The following LARP1B variants were observed in gnomAD, a reference collection of about 807,000 sequenced individuals.
LARP1B encodes the protein la-related protein 1B.
Under a neutral mutation model 114.2 loss-of-function variants are expected in LARP1B, and 76 were observed. The ratio of observed to expected loss-of-function variants is 0.67; its 90% CI spans 0.55 to 0.81. The LOEUF is 0.81. Ranked by LOEUF, LARP1B falls within the 30% of genes least tolerant of loss-of-function variation. The pLI, the probability that LARP1B is intolerant of heterozygous loss-of-function variation, is 0.00. For synonymous variants in LARP1B, 345 were observed against 348.0 expected (o/e 0.99, Z 0.10); for missense variants, 1,014 against 1,075.8 (o/e 0.94, Z 0.80).
At position 128,200,542 on chromosome 4, in the gene LARP1B, G is replaced by T. The variant is rs200268921; in HGVS notation, c.2186G>T (p.Gly729Val). The T allele has an allele frequency of 1.8e-5, 28 of 1,522,758 alleles. No homozygotes were observed. The highest frequency in any genetic ancestry group is 2.6e-6 in the Non-Finnish European group (3 of 1,136,852). The allele number at this position is 1,522,758 out of a possible 1,614,324, so 94.3% of individuals were successfully genotyped here. Residue 729 changes from glycine (G) to valine (V), a missense_variant, in exon 17 of 20, where the codon GGT (glycine) becomes GTT (valine). Physicochemically the swap from Gly to Val is moderately radical, Grantham distance 109. Coordinates refer to ENST00000326639, the MANE Select transcript of LARP1B (RefSeq NM_018078.4). ...TCAGAGAGAAAACGCTTGGGAATTG[G>T]TCAGTCCCAAGAAATGAATACCCTC... ...CLSERKRLGI[G>V]QSQEMNTLFR...
At chr4:128,166,993 T>TATATATAC (rs775724221) in intron 12 of LARP1B, among the ~76,000 whole-genome samples, 3 of 138,350 alleles carry the variant, frequency 2.2e-5, no homozygotes, top group African/African-American at 8.1e-5. Flanking sequence ...TATATATATA[T>TATATATAC]ACACACACAC....
At chr4:128,162,894 TA>T (rs1169024590) in intron 12 of LARP1B, among the ~76,000 whole-genome samples, 1 of 152,194 alleles carries the variant, frequency 6.6e-6, no homozygotes, top group African/African-American at 2.4e-5. Context: ...CAGTAACTCC[TA>T]TACCTCCCTG....
intron 1 of LARP1B, chr4:128,061,796 G>C (rs1760209779): frequency 1.0e-6 from 1 of 984,906 alleles, no homozygotes; most frequent in Non-Finnish European, 1.2e-6. Context: ...CCGGCCGGCC[G>C]AGCAGCCGCC....
At chr4:128,164,616 C>G (rs1739916654) in intron 12 of LARP1B, among the ~76,000 whole-genome samples, 1 of 152,004 alleles carries the variant, frequency 6.6e-6, no homozygotes, top group Non-Finnish European at 1.5e-5. Flanking sequence ...TGAGGTTTTC[C>G]AATTAAAACC....
chr4:128,098,660 C>A (rs370616196), intron 8 of LARP1B, among the ~76,000 whole-genome samples: 1 of 144,358 alleles, frequency 6.9e-6, no homozygotes, highest in Admixed American at 7.2e-5. Flanking sequence ...TGGCGGCTCG[C>A]ACCTGGGTGA....
chr4:128,093,574 C>G (rs1776643339), intron 7 of LARP1B, among the ~76,000 whole-genome samples: 1 of 151,174 alleles, frequency 6.6e-6, no homozygotes, highest in Non-Finnish European at 1.5e-5. Context: ...CCGGCCTGGG[C>G]AAAAGAGCCA....
intron 15 of LARP1B, among the ~76,000 whole-genome samples, chr4:128,186,231 A>T (rs1750302447): frequency 6.6e-6 from 1 of 151,996 alleles, no homozygotes; most frequent in African/African-American, 2.4e-5. Context: ...ATAGGGATGG[A>T]ATTAAATCTG....
intron 11 of LARP1B, among the ~76,000 whole-genome samples, chr4:128,148,527 C>A (rs1423020627): frequency 6.6e-6 from 1 of 151,840 alleles, no homozygotes; most frequent in Non-Finnish European, 1.5e-5. Flanking sequence ...TTTTGAAGTA[C>A]TTGAGCATAT....
intron 7 of LARP1B, among the ~76,000 whole-genome samples, chr4:128,221,511 T>C (rs1489604350): frequency 2.0e-5 from 3 of 152,222 alleles, no homozygotes; most frequent in African/African-American, 7.2e-5. Context: ...ATACTGCACG[T>C]ATTAGCTTCA....
At chr4:128,145,197 C>T (rs1229884692) in intron 11 of LARP1B, among the ~76,000 whole-genome samples, 1 of 152,116 alleles carries the variant, frequency 6.6e-6, no homozygotes, top group Non-Finnish European at 1.5e-5. Flanking sequence ...AACTTAACCT[C>T]CAAATTCTGT....
At chr4:128,093,074 G>C in intron 7 of LARP1B, 1 of 982,732 alleles carries the variant, frequency 1.0e-6, no homozygotes, top group Non-Finnish European at 1.2e-6. Flanking sequence ...CAAAATGTCA[G>C]ACATGGCATT....
rs374132064 is a variant in LARP1B, at chr4:128,122,161, A to T, written c.1497A>T (p.Glu499Asp). The change falls in exon 11 of 20, where the codon GAA becomes GAT. Residue 499 changes from glutamate to aspartate, a missense_variant. Coordinates refer to ENST00000326639, the MANE Select transcript of LARP1B (RefSeq NM_018078.4). ...YYYEQDLWME[E>D]DENKHTAIKQ... ...ATGAACAGGATCTATGGATGGAAGA[A>T]GATGAAAACAAACACACAGCCATAA... is the stretch of plus-strand genomic sequence containing the variant. The T allele has an allele frequency of 9.8e-5, 158 of 1,613,834 alleles. No homozygotes were observed. Among genetic ancestry groups the T allele is most frequent in the Non-Finnish European group, 1.2e-4 (141 of 1,179,852 alleles).
chr4:128,139,954 T>C (rs979699546), intron 11 of LARP1B, among the ~76,000 whole-genome samples: 1 of 152,176 alleles, frequency 6.6e-6, no homozygotes, highest in Non-Finnish European at 1.5e-5. Context: ...TCGAGTTGCA[T>C]TGTTTAGTAG....
At chr4:128,160,289 G>C (rs1737835796) in intron 11 of LARP1B, among the ~76,000 whole-genome samples, 1 of 152,148 alleles carries the variant, frequency 6.6e-6, no homozygotes, top group Non-Finnish European at 1.5e-5. Flanking sequence ...ACATAATTTT[G>C]CATGAAAGAA....
At chr4:128,166,420 A>G (rs1740831798) in intron 12 of LARP1B, among the ~76,000 whole-genome samples, 1 of 151,824 alleles carries the variant, frequency 6.6e-6, no homozygotes, top group South Asian at 2.1e-4. Context: ...CCCTCCTTTC[A>G]TTCTGATCAC....
At chr4:128,084,598 A>G (rs1023029580) in intron 5 of LARP1B, among the ~76,000 whole-genome samples, 3 of 151,980 alleles carry the variant, frequency 2.0e-5, no homozygotes, top group African/African-American at 7.2e-5. Context: ...TCGGCTCGGC[A>G]TCAGAGGGAG....
intron 12 of LARP1B, among the ~76,000 whole-genome samples, chr4:128,164,696 A>G (rs1171516892): frequency 1.3e-5 from 2 of 152,328 alleles, no homozygotes; most frequent in South Asian, 2.1e-4. Flanking sequence ...ATTGTGGCTC[A>G]TGCCTATAAT....
chr4:128,061,208 C>T (rs989178355), upstream of LARP1B: 2 of 152,020 alleles, frequency 1.3e-5, no homozygotes, highest in African/African-American at 4.8e-5. Context: ...GCGGGAGGCC[C>T]GGCGAGAGAA....
At chr4:128,143,983 G>C (rs1185435157) in intron 11 of LARP1B, among the ~76,000 whole-genome samples, 1 of 152,102 alleles carries the variant, frequency 6.6e-6, no homozygotes, top group Non-Finnish European at 1.5e-5. Context: ...ATGTAGTACA[G>C]GGTTTCTCAA....
Sources: gnomAD v4.1 joint callset for allele counts (sites outside exome capture counted in the v4.1 genomes callset) on GRCh38, gnomAD v4.1.1 for gene constraint, MANE v1.5 for transcripts, NCBI Gene and HGNC (gene_info 2026-07-23, HGNC 2026-07-21) for gene names.